The following UBL7 variants were observed in gnomAD, a reference collection of about 807,000 sequenced individuals.
The protein encoded by UBL7 is ubiquitin-like protein 7.
UBL7 carries 21 observed loss-of-function variants against 41.7 expected under a neutral mutation model. That is an observed-to-expected ratio of 0.50 (90% CI 0.36 to 0.73). UBL7 has a LOEUF of 0.73. Among genes scored for constraint, UBL7 ranks in the 30% least tolerant of loss-of-function variants. The pLI, the probability that UBL7 is intolerant of heterozygous loss-of-function variation, is 0.00. For synonymous variants in UBL7, 157 were observed against 186.9 expected (o/e 0.84, Z 1.31); for missense variants, 403 against 478.4 (o/e 0.84, Z 1.47).
chr15:74,446,345 T>A lies in UBL7; in HGVS notation c.1006-118A>T. 7.6e-7 allele frequency: 1 copy of A among 1,324,114 alleles called. No individual in the cohort carries two copies. The allele number at this position is 1,324,114 out of a possible 1,614,324, so 82.0% of individuals were successfully genotyped here. The stretch of plus-strand genomic sequence containing the variant: ...GGGGAGTCCTCAGCAAAGCTGCTGA[T>A]GCTGAGTTCCACAGAACACGGTGCT... On this transcript the variant is annotated intron_variant, in intron 10 of 10. Transcript: ENST00000395081. This position sits in a 1 kb window ranked among gnomAD's most constrained non-coding sequence, Gnocchi z 4.1.
At chr15:74,447,673 C>T (rs2061196977) in intron 10 of UBL7, among the ~76,000 whole-genome samples, 1 of 152,158 alleles carries the variant, frequency 6.6e-6, no homozygotes, top group Non-Finnish European at 1.5e-5. Context: ...CACCACTGTA[C>T]TCCAGCCTGG....
At chr15:74,458,983 T>C (rs1342125142) in intron 1 of UBL7, 87 bp from the exon 2 acceptor site, 2 of 1,309,032 alleles carry the variant, frequency 1.5e-6, no homozygotes, top group Non-Finnish European at 2.1e-6. Context: ...TGAAAGACAA[T>C]TCAATGTGAC....
rs1240707793 is a variant in UBL7 at position 74,451,610 on chromosome 15, A to T, written c.388-90T>A. The T allele has an allele frequency of 8.4e-6, 8 of 950,988 alleles. No homozygotes were observed. In the African/African-American group the frequency reaches 1.1e-4, roughly 13 times the overall value. 58.9% of individuals were successfully genotyped at this position (950,988 alleles called of 1,614,324 possible). On this transcript the variant is annotated intron_variant, in intron 4 of 10. Coordinates refer to ENST00000395081, the MANE Select transcript of UBL7 (RefSeq NM_032907.5). ...CTCTGCCAAAGGACTTCCTCCCTCT[A>T]AGTGCTTGCATGTACATCACCACAA...
intron 8 of UBL7, 120 bp downstream of exon 8, chr15:74,449,506 C>A: frequency 6.4e-7 from 1 of 1,555,352 alleles, no homozygotes; most frequent in East Asian, 2.3e-5. Context: ...ATGGTCTTGG[C>A]CCCCCAATGG....
chr15:74,450,102 A>G, intron 6 of UBL7, 33 bp from the exon 7 acceptor site: 2 of 1,582,644 alleles, frequency 1.3e-6, no homozygotes, highest in Non-Finnish European at 1.7e-6. Flanking sequence ...CCCAAGGGTG[A>G]CTCCAAAAGA....
At chr15:74,458,945 C>T (rs1200333167) in intron 1 of UBL7, 49 bp from the exon 2 acceptor site, 2 of 1,551,112 alleles carry the variant, frequency 1.3e-6, no homozygotes, top group East Asian at 2.3e-5. Flanking sequence ...CACCACTCTA[C>T]TCCACCCCCA....
At chr15:74,459,479 T>A (rs1053977263) in intron 1 of UBL7, among the ~76,000 whole-genome samples, 12 of 151,100 alleles carry the variant, frequency 7.9e-5, no homozygotes, top group Non-Finnish European at 1.3e-4. Flanking sequence ...AGGCTAATTT[T>A]TTTTTTTTTT....
chr15:74,446,200 G>C lies in UBL7; in HGVS notation c.1033C>G (p.Leu345Val). Residue 345 changes from leucine to valine, a missense_variant, in exon 11 of 11, where the codon CTA (leucine) becomes GTA (valine). Leu to Val is a conservative substitution (Grantham distance 32, BLOSUM62 1). Transcript: ENST00000395081. This position sits in a 1 kb window ranked among gnomAD's most constrained non-coding sequence, Gnocchi z 4.1. ...QSQWQPQLQQ[L>V]RDMGIQDDEL... ...TCGTCCTGGATGCCCATGTCACGTA[G>C]CTGCTGCAGCTGGGGCTGCCACTGG... 6.2e-7 allele frequency: 1 copy of C among 1,613,918 alleles called. No homozygotes were observed. Among genetic ancestry groups the C allele is most frequent in the Non-Finnish European group, 8.5e-7 (1 of 1,179,918 alleles).
chr15:74,451,365 G>A, intron 5 of UBL7, 71 bp downstream of exon 5: 2 of 1,332,466 alleles, frequency 1.5e-6, no homozygotes, highest in East Asian at 2.3e-5. Flanking sequence ...AGTCTCTTTA[G>A]AGGAATTGTC....
chr15:74,460,889 C>T, intron 1 of UBL7, 148 bp downstream of exon 1: 6 of 1,186,328 alleles, frequency 5.1e-6, no homozygotes, highest in Non-Finnish European at 6.4e-6. Flanking sequence ...TTTTATATAC[C>T]ATGTCTCACT....
At chr15:74,450,928 C>A in intron 5 of UBL7, 69 bp from the exon 6 acceptor site, 2 of 1,540,416 alleles carry the variant, frequency 1.3e-6, no homozygotes, top group Non-Finnish European at 1.8e-6. Flanking sequence ...AGAGGCTTTG[C>A]GTCTCAGAGC....
At chr15:74,456,530 C>T in intron 3 of UBL7, 22 bp downstream of exon 3, 3 of 1,613,158 alleles carry the variant, frequency 1.9e-6, no homozygotes, top group South Asian at 2.2e-5. Flanking sequence ...CTCTGCCTGC[C>T]TAAGGGCTGC....
At chr15:74,455,062 T>A (rs2061282200) in intron 3 of UBL7, among the ~76,000 whole-genome samples, 1 of 152,192 alleles carries the variant, frequency 6.6e-6, no homozygotes, top group African/African-American at 2.4e-5. Context: ...TTGTTCATGA[T>A]CCCCAAAAGG....
In UBL7 at chr15:74,451,650, C is replaced by T. The variant is rs760973173; in HGVS notation, c.388-130G>A. ...CATCACCACAATGGAACAATAGCCC[C>T]AGAAACAGATGAACCTCTTTTTGCT... On this transcript the variant is annotated intron_variant, in intron 4 of 10. Transcript: ENST00000395081. 17 of 600,738 alleles carry T rather than the reference C, an allele frequency of 2.8e-5. No homozygotes were observed. The Admixed American group carries it at 3.5e-4, about 12-fold the overall frequency. 37.2% of individuals were successfully genotyped at this position (600,738 alleles called of 1,614,324 possible).
chr15:74,449,163 T>C (rs1400397396), intron 9 of UBL7, 23 bp downstream of exon 9: 3 of 1,520,498 alleles, frequency 2.0e-6, no homozygotes, highest in East Asian at 2.3e-5. Context: ...CCAGCCTTGA[T>C]CTTCCCGGCC....
intron 3 of UBL7, among the ~76,000 whole-genome samples, chr15:74,454,649 C>A (rs759547903): frequency 1.3e-5 from 2 of 152,178 alleles, no homozygotes; most frequent in African/African-American, 4.8e-5. Flanking sequence ...CCGCCCACCT[C>A]GGCCTCCCAA....
At chr15:74,451,622 G>T in intron 4 of UBL7, 102 bp from the exon 5 acceptor site, 2 of 801,924 alleles carry the variant, frequency 2.5e-6, no homozygotes, top group Non-Finnish European at 2.1e-6. Flanking sequence ...GTGCTTGCAT[G>T]TACATCACCA....
At chr15:74,452,179 CCAAGGAACTCTT>C in intron 4 of UBL7, 105 bp downstream of exon 4, 2 of 1,094,394 alleles carry the variant, frequency 1.8e-6, no homozygotes, top group Non-Finnish European at 1.3e-6. Flanking sequence ...CAAAAACTCC[CCAAGGAACTCTT>C]GGTTGCCATG....
At position 74,446,304 on chromosome 15, in the gene UBL7, G is replaced by A; in HGVS notation, c.1006-77C>T. On this transcript the variant is annotated intron_variant, in intron 10 of 10. Transcript: ENST00000395081. This position sits in a 1 kb window ranked among gnomAD's most constrained non-coding sequence, Gnocchi z 4.1. ...CTCACTTAGGTCTGTGCTTTCCGGG[G>A]AAGGAAAGGAAGATGGGGGAGTCCT... The A allele has an allele frequency of 1.3e-6, 2 of 1,564,342 alleles. No individual in the cohort carries two copies. The highest frequency in any genetic ancestry group is 1.7e-6 in the Non-Finnish European group (2 of 1,150,764).
Sources: gnomAD v4.1 joint callset for allele counts (sites outside exome capture counted in the v4.1 genomes callset) on GRCh38, gnomAD v4.1.1 for gene constraint, Gnocchi (gnomAD v3.1) non-coding constraint, MANE v1.5 for transcripts, NCBI Gene and HGNC (gene_info 2026-07-23, HGNC 2026-07-21) for gene names.